The following PODN variants were observed in gnomAD, a reference collection of about 807,000 sequenced individuals.
PODN encodes podocan proteoglycan.
In PODN, 40 loss-of-function variants were observed where a neutral mutation model predicts 52.7. The ratio of observed to expected loss-of-function variants is 0.76; its 90% CI spans 0.59 to 0.99. The LOEUF is 0.99. Ranked by LOEUF, PODN falls within the 50% of genes least tolerant of loss-of-function variation. The pLI is 0.00. For synonymous variants in PODN, 396 were observed against 377.9 expected (o/e 1.05, Z -0.56); for missense variants, 720 against 815.1 (o/e 0.88, Z 1.42).
At position 53,078,732 on chromosome 1, in the gene PODN, G is replaced by A; in HGVS notation, c.1222G>A (p.Glu408Lys). The change falls in exon 8 of 11, where the codon GAG becomes AAG. Residue 408 changes from glutamate to lysine, a missense_variant. Coordinates refer to ENST00000312553, the MANE Select transcript of PODN (RefSeq NM_153703.5). ...EDFATTYFLEELNLSYNRITS... is the reference protein window; with the variant it reads ...EDFATTYFLEKLNLSYNRITS... ...CTTTGCCACCACCTACTTCCTGGAG[G>A]AGCTCAACCTCAGCTACAACCGCAT... 1 of 1,613,458 alleles carries A rather than the reference G, an allele frequency of 6.2e-7. No homozygotes were observed. The highest frequency in any genetic ancestry group is 8.5e-7 in the Non-Finnish European group (1 of 1,179,960).
At chr1:53,078,274 G>A in intron 7 of PODN, 91 bp from the exon 8 acceptor site, 1 of 1,335,940 alleles carries the variant, frequency 7.5e-7, no homozygotes, top group Non-Finnish European at 1.0e-6. Context: ...GGAGCTAGTG[G>A]CAATTCCCCA....
chr1:53,069,971 G>T lies in PODN; in HGVS notation c.116G>T (p.Ser39Ile), dbSNP rs751610019. Residue 39 changes from serine (S) to isoleucine (I), a missense_variant, in exon 2 of 11, where the codon AGC becomes ATC. Transcript: ENST00000312553. ...GGCCGAAGTGGCGGCCACAGCCTGA[G>T]CCCCGAAGAGAACGAATTTGCGGAG... is the stretch of plus-strand genomic sequence containing the variant. ...GFGRSGGHSL[S>I]PEENEFAEEE... 7 of 1,607,654 alleles carry T rather than the reference G, an allele frequency of 4.4e-6. No individual in the cohort carries two copies. The East Asian group carries it at 1.3e-4, about 31-fold the overall frequency.
rs1644122227 is a variant in PODN at position 53,071,765 on chromosome 1, G to T, written c.406+137G>T. The T allele has an allele frequency of 6.1e-6, 5 of 815,174 alleles. No homozygotes were observed. In the Admixed American group the frequency reaches 1.4e-4, roughly 24 times the overall value. 50.5% of individuals were successfully genotyped at this position (815,174 alleles called of 1,614,324 possible). A position where few individuals can be genotyped will look rare whatever the true frequency, so the allele number is the denominator to read the frequency against. ...ATGGAAGAGAGCAGGCCCGGGCCAG[G>T]CTAGCAGTGGGGCTGCATGAGAACC... is the stretch of plus-strand genomic sequence containing the variant. On this transcript the variant is annotated intron_variant, in intron 3 of 10. Transcript: ENST00000312553.
chr1:53,071,763 A>G (rs2150297069), intron 3 of PODN, 135 bp downstream of exon 3: 2 of 843,262 alleles, frequency 2.4e-6, no homozygotes, highest in Non-Finnish European at 3.7e-6. Flanking sequence ...GGCCCGGGCC[A>G]GGCTAGCAGT....
chr1:53,084,062 TC>T (rs540524202), intron 10 of PODN, among the ~76,000 whole-genome samples: 221 of 152,024 alleles, frequency 1.5e-3, no homozygotes, highest in Non-Finnish European at 2.8e-3. Context: ...GAGTTGGGTA[TC>T]CGCAAGTGTG....
At chr1:53,077,926 C>A in intron 7 of PODN, 126 bp downstream of exon 7, 2 of 704,686 alleles carry the variant, frequency 2.8e-6, no homozygotes, top group South Asian at 1.9e-5. Context: ...GGAGAAGGAA[C>A]TTTAAGCCTT....
At chr1:53,067,220 G>A (rs897045867) in intron 1 of PODN, among the ~76,000 whole-genome samples, 7 of 152,078 alleles carry the variant, frequency 4.6e-5, no homozygotes, top group Non-Finnish European at 8.8e-5. Context: ...TTCTCTGCCG[G>A]GCCAGTGGCT....
At chr1:53,075,774 A>G in intron 4 of PODN, 88 bp from the exon 5 acceptor site, 1 of 1,079,350 alleles carries the variant, frequency 9.3e-7, no homozygotes, top group Non-Finnish European at 1.4e-6. Flanking sequence ...GACACAGTGA[A>G]GGGGCCCCGG....
rs150348959 is a variant in PODN, at chr1:53,083,287, A to C, written c.*27+1099A>C. 3.3e-5 allele frequency among the ~76,000 whole-genome samples: 5 copies of C among 152,286 alleles called. No individual in the cohort carries two copies. The East Asian group carries it at 7.7e-4, about 24-fold the overall frequency. On this transcript the variant is annotated intron_variant, in intron 10 of 10. Coordinates refer to ENST00000312553, the MANE Select transcript of PODN (RefSeq NM_153703.5). The stretch of plus-strand genomic sequence containing the variant: ...CCTCACAGGAAGCAAAGGCCTCTCG[A>C]GGGGAGCCCTGTGTGAGGGGCTCTG...
In PODN at chr1:53,077,126, C is replaced by G. The variant is rs1360418840; in HGVS notation, c.582-64C>G. 11 of 1,577,814 alleles carry G rather than the reference C, an allele frequency of 7.0e-6. No homozygotes were observed. The East Asian group carries it at 2.2e-4, about 32-fold the overall frequency. ...GCCTGGGCAAGGGTTTAGAGGCTCA[C>G]CAGTTGAGCTGGCGCAGGGCCTGGG... On this transcript the variant is annotated intron_variant, in intron 5 of 10. Transcript: ENST00000312553.
intron 1 of PODN, among the ~76,000 whole-genome samples, chr1:53,066,166 T>G (rs1644030727): frequency 6.6e-6 from 1 of 152,014 alleles, no homozygotes; most frequent in Non-Finnish European, 1.5e-5. Flanking sequence ...TGGCTAATTT[T>G]TTGTATTTTT....
At chr1:53,065,218 T>C (rs1644014198) in intron 1 of PODN, among the ~76,000 whole-genome samples, 1 of 152,060 alleles carries the variant, frequency 6.6e-6, no homozygotes, top group African/African-American at 2.4e-5. Flanking sequence ...ATGCCAGGTG[T>C]GGAGGCACAT....
In PODN at chr1:53,074,636, C is replaced by T; in HGVS notation, c.437C>T (p.Thr146Ile). The T allele has an allele frequency of 1.2e-6, 2 of 1,614,062 alleles. No individual in the cohort carries two copies. Among genetic ancestry groups the T allele is most frequent in the East Asian group, 2.2e-5 (1 of 44,884 alleles). Residue 146 changes from threonine to isoleucine, a missense_variant, in exon 4 of 11, where the codon ACC becomes ATC. Transcript: ENST00000312553. ...CCAGAGAAGGCGTTTGAGCATCTGA[C>T]CAACCTCAATTACCTGTACTTGGCC... The part of the protein sequence containing the change: ...GLPEKAFEHL[T>I]NLNYLYLANN...
intron 9 of PODN, among the ~76,000 whole-genome samples, chr1:53,081,298 T>A (rs930985497): frequency 7.2e-5 from 11 of 152,144 alleles, no homozygotes; most frequent in African/African-American, 1.4e-4. Flanking sequence ...GGGATGCAGC[T>A]CCCTGAGGAT....
chr1:53,062,719 G>A (rs1643975856), intron 1 of PODN, among the ~76,000 whole-genome samples: 1 of 152,206 alleles, frequency 6.6e-6, no homozygotes. Context: ...AAGTATCCCC[G>A]CGTCTTTCCA....
At chr1:53,071,216 C>T in intron 2 of PODN, 1 of 214,480 alleles carries the variant, frequency 4.7e-6, no homozygotes, top group Non-Finnish European at 9.1e-6. Flanking sequence ...GCTGTGGTTG[C>T]CTGTCACGAG....
At chr1:53,082,549 A>G (rs1443911780) in intron 10 of PODN, among the ~76,000 whole-genome samples, 1 of 152,124 alleles carries the variant, frequency 6.6e-6, no homozygotes, top group African/African-American at 2.4e-5. Context: ...GAAGCTTGCC[A>G]TGGGAGAGTG....
intron 1 of PODN, chr1:53,063,420 A>G: frequency 1.0e-6 from 1 of 985,662 alleles, no homozygotes; most frequent in Non-Finnish European, 1.2e-6. Context: ...ACTGGTGTGA[A>G]CCGGGAGAGC....
intron 4 of PODN, among the ~76,000 whole-genome samples, chr1:53,075,652 G>GCTT (rs1644183343): frequency 6.6e-6 from 1 of 152,238 alleles, no homozygotes; most frequent in Non-Finnish European, 1.5e-5. Context: ...CAAGTCCTGA[G>GCTT]GGCCTTGAAT....
Sources: gnomAD v4.1 joint callset for allele counts (sites outside exome capture counted in the v4.1 genomes callset) on GRCh38, gnomAD v4.1.1 for gene constraint, MANE v1.5 for transcripts, NCBI Gene and HGNC (gene_info 2026-07-23, HGNC 2026-07-21) for gene names.